The following NF1 variants were observed in gnomAD, a reference collection of about 807,000 sequenced individuals.
The protein encoded by NF1 is neurofibromin.
A neutral mutation model predicts 325.7 loss-of-function variants in NF1; 122 were observed. The observed-to-expected ratio is 0.37, with a 90% CI of 0.32 to 0.44. The LOEUF (loss-of-function observed/expected upper bound fraction) is 0.44. Ranked by LOEUF, NF1 falls within the 20% of genes least tolerant of loss-of-function variation. The pLI, the probability that NF1 is intolerant of heterozygous loss-of-function variation, is 1.00. For missense variants in NF1, 2,140 were observed against 3,415.4 expected (o/e 0.63, Z 9.31); for synonymous variants, 1,091 against 1,186.0 (o/e 0.92, Z 1.65).
Position 31,258,422 on chromosome 17 carries a change from A to G in NF1, c.4252A>G (p.Ile1418Val), listed in dbSNP as rs369345045. ...AMFLRFINPA[I>V]VSPYEAGILD... ...GTTCCTCAGATTTATCAATCCTGCC[A>G]TTGTCTCACCGTATGAAGCAGGGAT... Residue 1418 changes from isoleucine to valine, a missense_variant, in exon 32 of 58, where the codon ATT becomes GTT. This residue lies in a region of NF1 where 336 missense variants were observed against 399.0 expected (regional missense o/e 0.84). Coordinates refer to ENST00000358273, the MANE Select transcript of NF1 (RefSeq NM_001042492.3). 1.9e-6 allele frequency: 3 copies of G among 1,613,882 alleles called. No individual in the cohort carries two copies. The highest frequency in any genetic ancestry group is 2.7e-5 in the African/African-American group (2 of 74,912).
intron 36 of NF1, among the ~76,000 whole-genome samples, chr17:31,282,904 T>C (rs11080148): frequency 0.3 from 45,487 of 152,078 alleles, 7,088 homozygotes; most frequent in East Asian, 0.45. Flanking sequence ...TTTGAATTTC[T>C]GTACATCTTC....
intron 1 of NF1, among the ~76,000 whole-genome samples, chr17:31,098,952 A>AAT (rs1237414375): frequency 6.6e-6 from 1 of 151,370 alleles, no homozygotes; most frequent in Non-Finnish European, 1.5e-5. Context: ...AAAAAAAAAA[A>AAT]GAATCTTAAT....
intron 8 of NF1, among the ~76,000 whole-genome samples, chr17:31,197,268 C>T (rs1051493835): frequency 1.5e-4 from 23 of 150,804 alleles, no homozygotes; most frequent in African/African-American, 5.4e-4. Flanking sequence ...GGATGGTCTC[C>T]ATCTCCTGAC....
intron 1 of NF1, among the ~76,000 whole-genome samples, chr17:31,124,592 ATTTTTT>A (rs35335433): frequency 3.7e-4 from 23 of 62,944 alleles, no homozygotes; most frequent in East Asian, 5.5e-4. Flanking sequence ...GTATTCTTGA[ATTTTTT>A]TTTTTTTTTT....
chr17:31,362,180 C>A, intron 57 of NF1: 2 of 344,014 alleles, frequency 5.8e-6, no homozygotes, highest in Non-Finnish European at 4.1e-6. Context: ...TTCTTACACA[C>A]ACTAGAATTG....
chr17:31,204,990 G>A (rs1349009316), intron 11 of NF1, among the ~76,000 whole-genome samples: 1 of 152,116 alleles, frequency 6.6e-6, no homozygotes, highest in African/African-American at 2.4e-5. Context: ...TAGGAGTTGA[G>A]GGAAAAATGT....
intron 35 of NF1, among the ~76,000 whole-genome samples, chr17:31,263,265 A>C (rs1389334239): frequency 6.6e-6 from 1 of 151,976 alleles, no homozygotes; most frequent in East Asian, 1.9e-4. Context: ...ACATAGCAGG[A>C]CTCCATCTCT....
Position 31,255,770 on chromosome 17 carries a change from C to T in NF1, c.4174-2574C>T, listed in dbSNP as rs186288625. Among the ~76,000 whole-genome samples, 16 of 152,122 alleles carry T rather than the reference C, an allele frequency of 1.1e-4. No individual in the cohort carries two copies. In the East Asian group the frequency reaches 2.3e-3, roughly 22 times the overall value. On this transcript the variant is annotated intron_variant, in intron 31 of 57. Transcript: ENST00000358273. ...AAAACTTCTTTGTCCTAGAGAAAAC[C>T]GGTAAATAGCTACTTTCAAAGAAGT...
At position 31,358,510 on chromosome 17, in the gene NF1, C is replaced by T. The variant is rs876658475; in HGVS notation, c.8001C>T (p.Thr2667=). The part of the protein sequence containing the change: ...VHNLLDSKIN[T]LLSLCQDPNL... ...ATTTGTTGGACTCTAAGATCAACAC[C>T]CTGTTATCATTGTGCCAAGATCCAA... Residue 2667 remains threonine (T), a synonymous_variant, in exon 55 of 58, where the codon ACC becomes ACT. Transcript: ENST00000358273. 1 of 1,613,720 alleles carries T rather than the reference C, an allele frequency of 6.2e-7. No homozygotes were observed. Among genetic ancestry groups the T allele is most frequent in the Non-Finnish European group, 8.5e-7 (1 of 1,179,880 alleles).
intron 52 of NF1, 65 bp downstream of exon 52, chr17:31,356,647 T>C: frequency 2.5e-6 from 4 of 1,596,770 alleles, no homozygotes; most frequent in Non-Finnish European, 3.4e-6. Context: ...AAAGTCATGT[T>C]TATTTTCCAG....
intron 36 of NF1, chr17:31,304,639 G>A (rs1375552071): frequency 6.2e-7 from 1 of 1,614,146 alleles, no homozygotes; most frequent in Admixed American, 1.7e-5. Flanking sequence ...TCCAACTGTT[G>A]AACCATCAGC....
At chr17:31,217,367 A>T (rs2066837315) in intron 13 of NF1, among the ~76,000 whole-genome samples, 1 of 150,994 alleles carries the variant, frequency 6.6e-6, no homozygotes. Context: ...GCTAGAGTGC[A>T]GTGGTGTGAT....
At chr17:31,250,926 A>C (rs2067483329) in intron 30 of NF1, 1 of 190,538 alleles carries the variant, frequency 5.2e-6, no homozygotes, top group Non-Finnish European at 1.1e-5. Context: ...TAAAAACATG[A>C]ATTAAAGGTG....
chr17:31,317,699 A>G (rs2069060824), intron 36 of NF1: 2 of 152,206 alleles, frequency 1.3e-5, no homozygotes, highest in Non-Finnish European at 2.9e-5. Flanking sequence ...TTATTATACA[A>G]AAGTAAAGGT....
chr17:31,291,122 C>T (rs1385422826), intron 36 of NF1, among the ~76,000 whole-genome samples: 1 of 152,118 alleles, frequency 6.6e-6, no homozygotes, highest in African/African-American at 2.4e-5. Flanking sequence ...AAACATTTCT[C>T]ATTGGAATAT....
At chr17:31,269,026 A>G (rs527434364) in intron 36 of NF1, among the ~76,000 whole-genome samples, 1 of 151,390 alleles carries the variant, frequency 6.6e-6, no homozygotes, top group Non-Finnish European at 1.5e-5. Context: ...TTTTAGTTGG[A>G]CCTTAATGGT....
At chr17:31,241,482 A>T (rs185897080) in intron 29 of NF1, among the ~76,000 whole-genome samples, 1 of 151,966 alleles carries the variant, frequency 6.6e-6, no homozygotes, top group Non-Finnish European at 1.5e-5. Context: ...GATATGTGTT[A>T]ATTTCTTGCT....
rs1365417713 is a variant in NF1, at chr17:31,376,335, A to G, written c.*2180A>G. ...AACTTCCAGAGGTTTACTGTTAAAAATACTGATATTTCCATAAACGGGTTT... is the reference window on the plus strand; with the variant it reads ...AACTTCCAGAGGTTTACTGTTAAAAGTACTGATATTTCCATAAACGGGTTT... On this transcript the variant is annotated 3_prime_UTR_variant, in exon 58 of 58. Transcript: ENST00000358273. The G allele has an allele frequency of 1.3e-5, 3 of 232,976 alleles. No individual in the cohort carries two copies. The highest frequency in any genetic ancestry group is 1.7e-5 in the Non-Finnish European group (2 of 117,916). The allele number at this position is 232,976 out of a possible 1,614,324, so 14.4% of individuals were successfully genotyped here. A position where few individuals can be genotyped will look rare whatever the true frequency, so the allele number is the denominator to read the frequency against.
intron 2 of NF1, among the ~76,000 whole-genome samples, chr17:31,156,687 A>G (rs2065669558): frequency 6.6e-6 from 1 of 152,220 alleles, no homozygotes; most frequent in Non-Finnish European, 1.5e-5. Flanking sequence ...TACCAGTTTC[A>G]TCAAATAATT....
Sources: allele counts gnomAD v4.1 joint callset (sites outside exome capture counted in the v4.1 genomes callset), GRCh38; gene constraint gnomAD v4.1.1; regional missense constraint gnomAD v4.1.1; transcripts MANE v1.5; gene names NCBI Gene and HGNC (gene_info 2026-07-23, HGNC 2026-07-21).